Variants in ARB2A observed in about 807,000 individuals in gnomAD.
ARB2A encodes ARB2 cotranscriptional regulator A, also known as cotranscriptional regulator ARB2A.
At chr5:93,944,539 A>T in the ARB2A span, among the ~76,000 whole-genome samples, 29 of 150,980 alleles carry the variant, frequency 1.9e-4, no homozygotes, top group African/African-American at 7.0e-4. Flanking sequence ...AGTCACGATC[A>T]TGCCACTCAA....
At chr5:93,808,319 A>G in the ARB2A span, among the ~76,000 whole-genome samples, 1 of 151,766 alleles carries the variant, frequency 6.6e-6, no homozygotes, top group Admixed American at 6.6e-5. Context: ...GATTTCTTAA[A>G]TTTCTTGGCA....
the ARB2A span, among the ~76,000 whole-genome samples, chr5:94,002,001 T>TA: frequency 0.011 from 1,749 of 152,236 alleles, 38 homozygotes; most frequent in African/African-American, 0.04. Context: ...CTTATACCTC[T>TA]AAACTATGAG....
chr5:93,936,004 C>T, the ARB2A span, among the ~76,000 whole-genome samples: 3 of 152,090 alleles, frequency 2.0e-5, no homozygotes, highest in Admixed American at 6.5e-5. Context: ...TAAATTGATA[C>T]TTCTGTTAGT....
chr5:93,916,665 T>C, the ARB2A span, among the ~76,000 whole-genome samples: 2 of 152,096 alleles, frequency 1.3e-5, no homozygotes, highest in East Asian at 1.9e-4. Context: ...CTTATGTAAA[T>C]TATTAGCCCC....
the ARB2A span, among the ~76,000 whole-genome samples, chr5:93,846,252 C>A: frequency 6.6e-6 from 1 of 151,906 alleles, no homozygotes; most frequent in East Asian, 1.9e-4. Context: ...GCCTGTAATC[C>A]CAGCCCTTTA....
At chr5:93,957,867 A>G in the ARB2A span, among the ~76,000 whole-genome samples, 1 of 152,128 alleles carries the variant, frequency 6.6e-6, no homozygotes, top group African/African-American at 2.4e-5. Context: ...TAAAACAAAT[A>G]AAGCCTACAT....
the ARB2A span, among the ~76,000 whole-genome samples, chr5:93,971,191 G>T: frequency 6.6e-6 from 1 of 151,910 alleles, no homozygotes; most frequent in Non-Finnish European, 1.5e-5. Context: ...GTAGAGACGG[G>T]ATTTCACCCT....
At chr5:93,835,542 A>G in the ARB2A span, among the ~76,000 whole-genome samples, 2 of 152,242 alleles carry the variant, frequency 1.3e-5, no homozygotes, top group Admixed American at 6.5e-5. Context: ...TAAATGTCCA[A>G]TTTTAAAGTC....
At chr5:94,011,936 CA>C in the ARB2A span, among the ~76,000 whole-genome samples, 274 of 30,202 alleles carry the variant, frequency 9.1e-3, 1 homozygote, top group African/African-American at 0.017. Flanking sequence ...AAAGGGTAGA[CA>C]AAAAAAAAAA....
At chr5:93,768,195 G>C in the ARB2A span, among the ~76,000 whole-genome samples, 6 of 151,438 alleles carry the variant, frequency 4.0e-5, no homozygotes, top group South Asian at 4.2e-4. Flanking sequence ...GGGGACTTGG[G>C]GGGGAAGAGT....
the ARB2A span, among the ~76,000 whole-genome samples, chr5:93,653,437 G>A: frequency 7.9e-4 from 112 of 142,580 alleles, no homozygotes; most frequent in African/African-American, 2.7e-3. Context: ...GCATGAACCC[G>A]GGAGGCGGAG....
At chr5:93,642,786 C>T in the ARB2A span, among the ~76,000 whole-genome samples, 32,387 of 152,120 alleles carry the variant, frequency 0.21, 5,178 homozygotes, top group African/African-American at 0.44. Flanking sequence ...TCTCAAAGTA[C>T]TGGAATTACA....
the ARB2A span, among the ~76,000 whole-genome samples, chr5:93,828,713 T>C: frequency 6.6e-6 from 1 of 152,192 alleles, no homozygotes; most frequent in African/African-American, 2.4e-5. Context: ...GCCAAGTTAC[T>C]CACTCCCTGC....
the ARB2A span, among the ~76,000 whole-genome samples, chr5:94,047,597 A>G: frequency 5.3e-5 from 8 of 152,212 alleles, no homozygotes; most frequent in Non-Finnish European, 7.4e-5. Context: ...GCAGTAATGT[A>G]GATAATACAG....
At chr5:94,039,160 T>C in the ARB2A span, among the ~76,000 whole-genome samples, 1 of 152,228 alleles carries the variant, frequency 6.6e-6, no homozygotes, top group African/African-American at 2.4e-5. Flanking sequence ...TTCTAAATCA[T>C]AATGATAAAC....
the ARB2A span, chr5:93,618,729 C>G: frequency 6.6e-6 from 1 of 152,186 alleles, no homozygotes; most frequent in South Asian, 2.1e-4. Context: ...ATTACATTTA[C>G]ACAACTTAAG....
At chr5:93,706,015 T>G in the ARB2A span, among the ~76,000 whole-genome samples, 3 of 152,170 alleles carry the variant, frequency 2.0e-5, no homozygotes, top group African/African-American at 7.2e-5. Flanking sequence ...AGAAAATTAC[T>G]ATATGACCCA....
chr5:94,055,143 C>T, the ARB2A span, among the ~76,000 whole-genome samples: 147 of 152,126 alleles, frequency 9.7e-4, no homozygotes, highest in African/African-American at 3.4e-3. Context: ...AAAAATGACA[C>T]AAAAAATTTA....
chr5:93,817,542 G>C, the ARB2A span, among the ~76,000 whole-genome samples: 1 of 152,108 alleles, frequency 6.6e-6, no homozygotes, highest in African/African-American at 2.4e-5. Flanking sequence ...AATGAACAAA[G>C]TTGGAGGATC....
Sources: gnomAD v4.1 joint callset for allele counts (sites outside exome capture counted in the v4.1 genomes callset) on GRCh38, gnomAD v4.1.1 for gene constraint, MANE v1.5 for transcripts, NCBI Gene and HGNC (gene_info 2026-07-23, HGNC 2026-07-21) for gene names.